The following PRG4 variants were observed in gnomAD, a reference collection of about 807,000 sequenced individuals.
PRG4 encodes the protein proteoglycan 4.
In PRG4, 61 loss-of-function variants were observed where a neutral mutation model predicts 91.2. The ratio of observed to expected loss-of-function variants is 0.67; its 90% CI spans 0.54 to 0.83. PRG4 has a LOEUF of 0.83. Ranked by LOEUF, PRG4 falls within the 40% of genes least tolerant of loss-of-function variation. The pLI is 0.00. For missense variants in PRG4, 1,564 were observed against 1,714.2 expected, an observed-to-expected ratio of 0.91 and a Z score of 1.55; for synonymous variants, 576 against 614.2, an observed-to-expected ratio of 0.94 and a Z score of 0.92.
chr1:186,310,657 A>ATTT (rs746583527), intron 8 of PRG4, among the ~76,000 whole-genome samples: 3,381 of 135,064 alleles, frequency 0.025, 250 homozygotes, highest in African/African-American at 0.095. Context: ...TAATTTTTGT[A>ATTT]TTTTTTTTTG....
At position 186,296,885 on chromosome 1, in the gene PRG4, A is replaced by G; in HGVS notation, c.10A>G (p.Lys4Glu). 1 of 1,613,814 alleles carries G rather than the reference A, an allele frequency of 6.2e-7. No homozygotes were observed. Reference protein sequence around the residue: MAWKTLPIYLLLLL... With the variant: MAWETLPIYLLLLL... ...GTACCTGAAAACAACGATGGCATGGAAAACACTTCCCATTTACCTGTTGTT... is the reference window on the plus strand; with the variant it reads ...GTACCTGAAAACAACGATGGCATGGGAAACACTTCCCATTTACCTGTTGTT... The change falls in exon 2 of 13, where the codon AAA (lysine) becomes GAA (glutamate). Residue 4 changes from lysine to glutamate, a missense_variant. Physicochemically the swap from Lys to Glu is moderately conservative, Grantham distance 56 (BLOSUM62 1). Transcript: ENST00000445192.
rs757707366 is a variant in PRG4 at position 186,307,129 on chromosome 1, C to T, written c.1410C>T (p.Thr470=). ...CCACTCCCAAGGAGCCTGCACCCACCACCAAGGAGCCTGCACCCACCACTC... is the reference window on the plus strand; with the variant it reads ...CCACTCCCAAGGAGCCTGCACCCACTACCAAGGAGCCTGCACCCACCACTC... ...TPTTPKEPAP[T]TKEPAPTTPK... The change falls in exon 7 of 13, where the codon ACC becomes ACT. Residue 470 remains threonine (T), a synonymous_variant. Transcript: ENST00000445192. 1.9e-6 allele frequency: 3 copies of T among 1,563,880 alleles called. No individual in the cohort carries two copies. The highest frequency in any genetic ancestry group is 2.6e-6 in the Non-Finnish European group (3 of 1,148,366).
rs557182976 is a variant in PRG4 at position 186,307,663 on chromosome 1, C to G, written c.1944C>G (p.Leu648=). Residue 648 remains leucine, a synonymous_variant, in exon 7 of 13, where the codon CTC becomes CTG. Transcript: ENST00000445192. The part of the protein sequence containing the change: ...EKPAPTTPEE[L]APTTPEEPTP... ...CCGCACCCACCACCCCTGAGGAGCT[C>G]GCACCCACCACCCCTGAGGAGCCCA... The G allele has an allele frequency of 7.2e-6, 10 of 1,396,112 alleles. No individual in the cohort carries two copies. In the South Asian group the frequency reaches 1.0e-4, roughly 14 times the overall value. 86.5% of individuals were successfully genotyped at this position (1,396,112 alleles called of 1,614,324 possible). A position where few individuals can be genotyped will look rare whatever the true frequency, so the allele number is the denominator to read the frequency against.
Position 186,297,606 on chromosome 1 carries a change from T to A in PRG4, c.76+655T>A, listed in dbSNP as rs1410172957. ...TTAGAGACTGTTAAAGTACATTCAGTGAAATCACATTAGTAAAAGATGCTA... is the reference window on the plus strand; with the variant it reads ...TTAGAGACTGTTAAAGTACATTCAGAGAAATCACATTAGTAAAAGATGCTA... On this transcript the variant is annotated intron_variant, in intron 2 of 12. Transcript: ENST00000445192. Among the ~76,000 whole-genome samples, 3 of 152,228 alleles carry A rather than the reference T, an allele frequency of 2.0e-5. No homozygotes were observed. In the East Asian group the frequency reaches 5.8e-4, roughly 29 times the overall value.
intron 6 of PRG4, among the ~76,000 whole-genome samples, chr1:186,305,157 A>C (rs942873621): frequency 5.3e-5 from 8 of 152,198 alleles, no homozygotes; most frequent in Middle Eastern, 6.3e-3. Flanking sequence ...GGACTGTGGA[A>C]CCACAAGATG....
chr1:186,307,085 C>G lies in PRG4; in HGVS notation c.1366C>G (p.Pro456Ala), dbSNP rs757880933. 3.3e-6 allele frequency: 5 copies of G among 1,510,132 alleles called. No homozygotes were observed. The African/African-American group carries it at 4.8e-5, about 15-fold the overall frequency. The allele number at this position is 1,510,132 out of a possible 1,614,324, so 93.5% of individuals were successfully genotyped here. ...TTPKEPAPTT[P>A]KEPTPTTPKE... ...CCCCAAGGAGCCTGCACCCACCACT[C>G]CCAAGGAGCCTACACCCACCACTCC... is the stretch of plus-strand genomic sequence containing the variant. The change falls in exon 7 of 13, where the codon CCC (proline) becomes GCC (alanine). Residue 456 changes from proline (P) to alanine (A), a missense_variant. Around this residue, in one of 3 missense-constraint regions of PRG4, gnomAD observed 48 missense variants for 93.0 expected, o/e 0.52. Coordinates refer to ENST00000445192, the MANE Select transcript of PRG4 (RefSeq NM_005807.6).
Position 186,314,081 on chromosome 1 carries a change from T to C in PRG4, c.*303T>C. ...ATATCTTTTAAGAATTCAAAACTAG[T>C]GTATTCACTTACCCTAGTTCATTAT... On this transcript the variant is annotated 3_prime_UTR_variant, in exon 13 of 13. Coordinates refer to ENST00000445192, the MANE Select transcript of PRG4 (RefSeq NM_005807.6). 6.7e-7 allele frequency: 1 copy of C among 1,496,408 alleles called. No individual in the cohort carries two copies. The highest frequency in any genetic ancestry group is 1.7e-5 in the Admixed American group (1 of 58,716). The allele number at this position is 1,496,408 out of a possible 1,614,324, so 92.7% of individuals were successfully genotyped here. A position where few individuals can be genotyped will look rare whatever the true frequency, so the allele number is the denominator to read the frequency against.
chr1:186,308,977 A>G lies in PRG4; in HGVS notation c.3258A>G (p.Lys1086=). 1 of 1,608,452 alleles carries G rather than the reference A, an allele frequency of 6.2e-7. No individual in the cohort carries two copies. ...GACCTAACCAAACTCCAAACTCCAA[A>G]CTAGTTGAAGTAAATCCAAAGAGTG... ...TTRPNQTPNS[K]LVEVNPKSED... is the part of the protein sequence containing the mutation. Residue 1086 remains lysine (K), a synonymous_variant, in exon 7 of 13, where the codon AAA becomes AAG. Transcript: ENST00000445192.
intron 8 of PRG4, 45 bp from the exon 9 acceptor site, chr1:186,310,989 G>A (rs748931872): frequency 1.9e-6 from 3 of 1,611,132 alleles, no homozygotes; most frequent in African/African-American, 2.7e-5. Flanking sequence ...TTTGTGATAG[G>A]TTTAGCATTC....
At chr1:186,309,972 G>C in intron 8 of PRG4, 102 bp downstream of exon 8, 1 of 919,194 alleles carries the variant, frequency 1.1e-6, no homozygotes, top group East Asian at 2.4e-5. Context: ...TTTCTGGAGG[G>C]GAATCTGATT....
At chr1:186,297,387 G>A (rs1372042058) in intron 2 of PRG4, among the ~76,000 whole-genome samples, 1 of 152,122 alleles carries the variant, frequency 6.6e-6, no homozygotes, top group Non-Finnish European at 1.5e-5. Flanking sequence ...TTTAGACATA[G>A]ATACCATATT....
chr1:186,309,913 T>G, intron 8 of PRG4, 43 bp downstream of exon 8: 1 of 1,552,232 alleles, frequency 6.4e-7, no homozygotes, highest in South Asian at 1.1e-5. Context: ...TCATTCTGTT[T>G]TGGCATTTAT....
chr1:186,314,502 C>T lies in PRG4; in HGVS notation c.*724C>T. 1 of 619,864 alleles carries T rather than the reference C, an allele frequency of 1.6e-6. No individual in the cohort carries two copies. The allele number at this position is 619,864 out of a possible 1,614,324, so 38.4% of individuals were successfully genotyped here. On this transcript the variant is annotated 3_prime_UTR_variant, in exon 13 of 13. Coordinates refer to ENST00000445192, the MANE Select transcript of PRG4 (RefSeq NM_005807.6). ...AGATTGGTAAATATCACCTGCTCAA[C>T]ATGTAATTATTTAATAAAACTTTGG... is the stretch of plus-strand genomic sequence containing the variant.
chr1:186,304,798 TTC>T lies in PRG4; in HGVS notation c.476_477del (p.Ser159CysfsTer3). ...AACTTTCTATTTGATTTATAGAACA[TTC>T]TGTTTCTGAAAATCAAGAGTCCTCC... ...IESEEITEEH[S>X]VSENQESSSS... On this transcript the variant is annotated frameshift_variant, in exon 6 of 13. Transcript: ENST00000445192. LOFTEE classifies it high-confidence loss of function. The T allele has an allele frequency of 6.2e-7, 1 of 1,611,464 alleles. No homozygotes were observed. Among genetic ancestry groups the T allele is most frequent in the Non-Finnish European group, 8.5e-7 (1 of 1,177,796 alleles).
At position 186,312,829 on chromosome 1, in the gene PRG4, C is replaced by T. The variant is rs1657376466; in HGVS notation, c.4052C>T (p.Thr1351Ile). 16 of 1,611,516 alleles carry T rather than the reference C, an allele frequency of 9.9e-6. No individual in the cohort carries two copies. Among genetic ancestry groups the T allele is most frequent in the Non-Finnish European group, 1.4e-5 (16 of 1,177,662 alleles). The change falls in exon 12 of 13, where the codon ACC (threonine) becomes ATC (isoleucine). Residue 1351 changes from threonine to isoleucine, a missense_variant. By Grantham distance (89) the Thr-to-Ile change is moderately conservative (BLOSUM62 -1). Transcript: ENST00000445192. ...TGGAGAGGACTTCCAAATGTGGTTA[C>T]CTCAGCTATATCACTGCCCAACATC... ...ILWRGLPNVV[T>I]SAISLPNIRK... is the part of the protein sequence containing the mutation.
At chr1:186,313,622 T>A in intron 12 of PRG4, 59 bp from the exon 13 acceptor site, 1 of 994,834 alleles carries the variant, frequency 1.0e-6, no homozygotes, top group Admixed American at 1.7e-5. Context: ...ACATAAGTTA[T>A]TTTTTAGTTT....
chr1:186,312,228 GGAA>G lies in PRG4; in HGVS notation c.3852_3854del (p.Arg1285del). 6.2e-7 allele frequency: 1 copy of G among 1,613,998 alleles called. No homozygotes were observed. The highest frequency in any genetic ancestry group is 1.1e-5 in the South Asian group (1 of 91,066). On this transcript the variant is annotated inframe_deletion, in exon 11 of 13. Coordinates refer to ENST00000445192, the MANE Select transcript of PRG4 (RefSeq NM_005807.6). Reference sequence around the variant, plus strand: ...ACAGGAACCTGTACAGAAGTGCCCTGGAAGAAGGCCTGCTCTAAATTATCCAGT... The same window carrying G: ...ACAGGAACCTGTACAGAAGTGCCCTGGAAGGCCTGCTCTAAATTATCCAGT...
chr1:186,302,822 A>AG (rs1656307710), intron 4 of PRG4, among the ~76,000 whole-genome samples: 1 of 152,180 alleles, frequency 6.6e-6, no homozygotes, highest in Non-Finnish European at 1.5e-5. Flanking sequence ...GAGGATGTCT[A>AG]GGGAGTGAAG....
intron 7 of PRG4, among the ~76,000 whole-genome samples, chr1:186,309,392 C>A (rs555222770): frequency 6.6e-6 from 1 of 152,026 alleles, no homozygotes; most frequent in Non-Finnish European, 1.5e-5. Flanking sequence ...TATAGAAAGT[C>A]AAAAAAATTT....
Sources: gnomAD v4.1 joint callset for allele counts (sites outside exome capture counted in the v4.1 genomes callset) on GRCh38, gnomAD v4.1.1 for gene constraint, gnomAD v4.1.1 regional missense constraint, MANE v1.5 for transcripts, NCBI Gene and HGNC (gene_info 2026-07-23, HGNC 2026-07-21) for gene names.